The following PDE3A variants were observed in gnomAD, a reference collection of about 807,000 sequenced individuals.
PDE3A encodes the protein phosphodiesterase 3A, also known as cGMP-inhibited 3',5'-cyclic phosphodiesterase 3A.
A neutral mutation model predicts 98.3 loss-of-function variants in PDE3A; 43 were observed. That is an observed-to-expected ratio of 0.44 (90% CI 0.34 to 0.56). PDE3A has a LOEUF of 0.56. Among genes scored for constraint, PDE3A ranks in the 20% least tolerant of loss-of-function variants. PDE3A has a pLI of 0.01. For missense variants in PDE3A, 1,427 were observed against 1,440.7 expected, an observed-to-expected ratio of 0.99 and a Z score of 0.15; for synonymous variants, 663 against 567.9, an observed-to-expected ratio of 1.17 and a Z score of -2.38.
At chr12:20,383,183 T>C (rs568022790) in intron 1 of PDE3A, among the ~76,000 whole-genome samples, 12 of 151,980 alleles carry the variant, frequency 7.9e-5, no homozygotes, top group Non-Finnish European at 1.8e-4. Context: ...TAGTGTGTCC[T>C]ATAACCCCAC....
At chr12:20,436,697 C>T (rs1944784183) in intron 1 of PDE3A, among the ~76,000 whole-genome samples, 1 of 152,164 alleles carries the variant, frequency 6.6e-6, no homozygotes, top group Non-Finnish European at 1.5e-5. Context: ...TGTACATTCT[C>T]AAGAGATCAG....
At chr12:20,526,397 T>C (rs552869431) in intron 1 of PDE3A, among the ~76,000 whole-genome samples, 1 of 152,230 alleles carries the variant, frequency 6.6e-6, no homozygotes, top group African/African-American at 2.4e-5. Flanking sequence ...GTGATTAAAT[T>C]TTTGAACAAT....
intron 1 of PDE3A, among the ~76,000 whole-genome samples, chr12:20,508,813 C>CAAA (rs11372750): frequency 1.1e-4 from 16 of 146,226 alleles, no homozygotes; most frequent in African/African-American, 1.0e-4. Flanking sequence ...TAGTTGATAC[C>CAAA]AAAAAAAAAA....
intron 1 of PDE3A, among the ~76,000 whole-genome samples, chr12:20,488,156 C>G (rs1184200807): frequency 6.6e-6 from 1 of 152,080 alleles, no homozygotes; most frequent in Non-Finnish European, 1.5e-5. Flanking sequence ...ACTATATTAT[C>G]CTTTTTACCT....
intron 1 of PDE3A, among the ~76,000 whole-genome samples, chr12:20,494,342 A>G (rs975013026): frequency 1.3e-5 from 2 of 152,202 alleles, no homozygotes; most frequent in Admixed American, 1.3e-4. Flanking sequence ...TATGCCCTGC[A>G]CTTAGGTTTC....
chr12:20,658,728 C>T (rs1006210226), intron 15 of PDE3A, among the ~76,000 whole-genome samples: 2 of 152,276 alleles, frequency 1.3e-5, no homozygotes, highest in East Asian at 3.9e-4. Context: ...TCTTTCCTTC[C>T]ATCCTTCCTT....
Position 20,397,525 on chromosome 12 carries a change from T to C in PDE3A, c.960+27281T>C, listed in dbSNP as rs1453421123. 2.0e-5 allele frequency among the ~76,000 whole-genome samples: 3 copies of C among 152,102 alleles called. 1 individual carries two copies. Among genetic ancestry groups the C allele is most frequent in the South Asian group, 2.1e-4 (1 of 4,820 alleles). On this transcript the variant is annotated intron_variant, in intron 1 of 15. Coordinates refer to ENST00000359062, the MANE Select transcript of PDE3A (RefSeq NM_000921.5). ...TTTATCAAGTTAATATAGTAATATATTGTGTAAGTATACATGTATAATATA... is the reference window on the plus strand; with the variant it reads ...TTTATCAAGTTAATATAGTAATATACTGTGTAAGTATACATGTATAATATA...
intron 15 of PDE3A, among the ~76,000 whole-genome samples, chr12:20,672,507 A>G (rs550737836): frequency 2.6e-5 from 4 of 152,098 alleles, no homozygotes; most frequent in Admixed American, 2.6e-4. Context: ...AGAGATATAC[A>G]AGAATGGAAC....
intron 1 of PDE3A, among the ~76,000 whole-genome samples, chr12:20,430,823 A>T (rs925199104): frequency 6.6e-6 from 1 of 152,108 alleles, no homozygotes; most frequent in East Asian, 1.9e-4. Flanking sequence ...TGTTGTAGTG[A>T]AGGTAATATT....
chr12:20,393,598 G>A (rs151007864), intron 1 of PDE3A, among the ~76,000 whole-genome samples: 104 of 151,894 alleles, frequency 6.8e-4, no homozygotes, highest in African/African-American at 2.3e-3. Context: ...ATATCCAAAC[G>A]TTACATATAC....
Position 20,382,552 on chromosome 12 carries a change from C to T in PDE3A, c.960+12308C>T, listed in dbSNP as rs568753754. On this transcript the variant is annotated intron_variant, in intron 1 of 15. Coordinates refer to ENST00000359062, the MANE Select transcript of PDE3A (RefSeq NM_000921.5). ...AGGAATAGGAATATCAGCTTCACTA[C>T]CTATCTCATATGGCTGTTTTAAAGG... Among the ~76,000 whole-genome samples the T allele has an allele frequency of 1.0e-3, 158 of 151,924 alleles. 1 individual carries two copies. Among genetic ancestry groups the T allele is most frequent in the African/African-American group, 3.8e-3 (157 of 41,482 alleles).
At chr12:20,668,107 G>C (rs1028049192) in intron 15 of PDE3A, among the ~76,000 whole-genome samples, 1 of 152,136 alleles carries the variant, frequency 6.6e-6, no homozygotes, top group Admixed American at 6.5e-5. Context: ...TGGAAAATCA[G>C]GTCACTCCCA....
chr12:20,542,433 G>A (rs1314391653), intron 1 of PDE3A, among the ~76,000 whole-genome samples: 1 of 70,090 alleles, frequency 1.4e-5, no homozygotes, highest in African/African-American at 5.7e-5. Context: ...ATACGTAACA[G>A]CATACACACA....
chr12:20,655,354 C>A (rs1945018751), intron 15 of PDE3A, among the ~76,000 whole-genome samples: 1 of 152,120 alleles, frequency 6.6e-6, no homozygotes, highest in African/African-American at 2.4e-5. Flanking sequence ...GAGAAAGCAA[C>A]CTGTGCAAAG....
chr12:20,445,594 T>C (rs1944940618), intron 1 of PDE3A, among the ~76,000 whole-genome samples: 1 of 152,180 alleles, frequency 6.6e-6, no homozygotes, highest in Admixed American at 6.5e-5. Flanking sequence ...TCATGGGAAA[T>C]ATCAGGGGAT....
At chr12:20,543,786 T>C (rs1941983802) in intron 1 of PDE3A, among the ~76,000 whole-genome samples, 1 of 152,070 alleles carries the variant, frequency 6.6e-6, no homozygotes, top group Non-Finnish European at 1.5e-5. Flanking sequence ...TATATACTTA[T>C]TAATAGTGAT....
At chr12:20,540,153 G>C (rs904518354) in intron 1 of PDE3A, among the ~76,000 whole-genome samples, 1 of 152,076 alleles carries the variant, frequency 6.6e-6, no homozygotes, top group Non-Finnish European at 1.5e-5. Flanking sequence ...TTGTCTATTA[G>C]TGACTCTTAT....
intron 1 of PDE3A, among the ~76,000 whole-genome samples, chr12:20,426,344 C>T (rs1286060128): frequency 6.6e-6 from 1 of 152,070 alleles, no homozygotes; most frequent in Non-Finnish European, 1.5e-5. Flanking sequence ...TATGAGCCAA[C>T]TGTATGTTGC....
intron 1 of PDE3A, among the ~76,000 whole-genome samples, chr12:20,488,569 CA>C (rs560298164): frequency 8.8e-4 from 134 of 152,148 alleles, no homozygotes; most frequent in African/African-American, 3.0e-3. Flanking sequence ...TGGCTTACAC[CA>C]GTATGTAATC....
Sources: gnomAD v4.1 joint callset for allele counts (sites outside exome capture counted in the v4.1 genomes callset) on GRCh38, gnomAD v4.1.1 for gene constraint, MANE v1.5 for transcripts, NCBI Gene and HGNC (gene_info 2026-07-23, HGNC 2026-07-21) for gene names.